Variants in ANGPT1 observed in about 807,000 individuals in gnomAD.
ANGPT1 encodes the protein angiopoietin-1.
A neutral mutation model predicts 62.2 loss-of-function variants in ANGPT1; 17 were observed. That is an observed-to-expected ratio of 0.27 (90% CI 0.19 to 0.41). ANGPT1 has a LOEUF of 0.41. Ranked by LOEUF, ANGPT1 falls within the 10% of genes least tolerant of loss-of-function variation. The pLI is 1.00. For missense variants in ANGPT1, 478 were observed against 594.9 expected (o/e 0.80, Z 2.04); for synonymous variants, 199 against 198.9 (o/e 1.00, Z 0.00).
chr8:107,393,311 T>C (rs1816871182), intron 1 of ANGPT1, among the ~76,000 whole-genome samples: 2 of 152,170 alleles, frequency 1.3e-5, no homozygotes, highest in South Asian at 4.1e-4. Context: ...GGGGACTGAC[T>C]GCAAAAGATT....
intron 7 of ANGPT1, among the ~76,000 whole-genome samples, chr8:107,277,209 T>C (rs568894309): frequency 2.0e-5 from 3 of 152,224 alleles, no homozygotes; most frequent in South Asian, 2.1e-4. Flanking sequence ...ATTAAGTTAA[T>C]AGCATAAAAG....
intron 1 of ANGPT1, among the ~76,000 whole-genome samples, chr8:107,482,023 A>C (rs920283260): frequency 3.3e-5 from 5 of 152,210 alleles, no homozygotes; most frequent in Non-Finnish European, 5.9e-5. Context: ...ATTGATAATG[A>C]TTAAATTCCC....
intron 5 of ANGPT1, among the ~76,000 whole-genome samples, chr8:107,297,103 G>C (rs766309009): frequency 1.3e-5 from 2 of 152,022 alleles, no homozygotes; most frequent in African/African-American, 2.4e-5. Context: ...TGCTGAGAAT[G>C]CTTCTTAAAT....
intron 1 of ANGPT1, among the ~76,000 whole-genome samples, chr8:107,407,300 TA>T (rs1185506057): frequency 1.3e-5 from 2 of 152,098 alleles, no homozygotes; most frequent in African/African-American, 4.8e-5. Flanking sequence ...GGCAGCCCTT[TA>T]TAAAATGATA....
At chr8:107,436,347 G>A (rs1811333298) in intron 1 of ANGPT1, among the ~76,000 whole-genome samples, 1 of 152,184 alleles carries the variant, frequency 6.6e-6, no homozygotes, top group South Asian at 2.1e-4. Context: ...CAATTTCATT[G>A]CTACAGGAAG....
chr8:107,418,432 T>C (rs547270297), intron 1 of ANGPT1, among the ~76,000 whole-genome samples: 9 of 152,328 alleles, frequency 5.9e-5, no homozygotes, highest in African/African-American at 2.2e-4. Flanking sequence ...TGATACCAAG[T>C]TGCTTAGTAT....
rs148451414 is a variant in ANGPT1, at chr8:107,270,011, T to C, written c.1206-5660A>G. Reference sequence around the variant, plus strand: ...TAATTATAAAGACTAAATCATCACATTTCTTAATGAATATAGGACAACAGT... The same window carrying C: ...TAATTATAAAGACTAAATCATCACACTTCTTAATGAATATAGGACAACAGT... On this transcript the variant is annotated intron_variant, in intron 7 of 8. Coordinates refer to ENST00000517746, the MANE Select transcript of ANGPT1 (RefSeq NM_001146.5). Among the ~76,000 whole-genome samples the C allele has an allele frequency of 2.3e-3, 355 of 152,212 alleles. 3 individuals are homozygous for C. Among genetic ancestry groups the C allele is most frequent in the African/African-American group, 7.2e-3 (298 of 41,560 alleles).
intron 1 of ANGPT1, among the ~76,000 whole-genome samples, chr8:107,424,793 C>T (rs2130387901): frequency 6.6e-6 from 1 of 152,254 alleles, no homozygotes; most frequent in Admixed American, 6.5e-5. Flanking sequence ...AGGAATTTTA[C>T]AAAATTAAGC....
Position 107,455,983 on chromosome 8 carries a change from T to C in ANGPT1, c.297+41279A>G, listed in dbSNP as rs182743526. ...CAAGAAGTCAGAAAGTTGATCTTCA[T>C]TGGTTTCCTGCCTACCATGTGAAAT... On this transcript the variant is annotated intron_variant, in intron 1 of 8. Coordinates refer to ENST00000517746, the MANE Select transcript of ANGPT1 (RefSeq NM_001146.5). Among the ~76,000 whole-genome samples the C allele has an allele frequency of 6.6e-5, 10 of 152,148 alleles. No individual in the cohort carries two copies. In the East Asian group the frequency reaches 1.5e-3, roughly 24 times the overall value.
intron 8 of ANGPT1, among the ~76,000 whole-genome samples, chr8:107,260,607 T>C (rs1266222546): frequency 6.6e-6 from 1 of 152,234 alleles, no homozygotes; most frequent in Non-Finnish European, 1.5e-5. Context: ...TCCAGTTACC[T>C]GGACTGTCAA....
intron 1 of ANGPT1, among the ~76,000 whole-genome samples, chr8:107,459,600 T>C (rs534021205): frequency 6.6e-6 from 1 of 152,324 alleles, no homozygotes; most frequent in Non-Finnish European, 1.5e-5. Context: ...TATGCCCTAC[T>C]AGCAATGTTT....
intron 7 of ANGPT1, among the ~76,000 whole-genome samples, chr8:107,277,694 T>C (rs573489552): frequency 1.3e-5 from 2 of 152,174 alleles, no homozygotes; most frequent in Admixed American, 6.5e-5. Flanking sequence ...GAATGGGAAA[T>C]AGACAATATC....
At chr8:107,261,859 A>T (rs1226917540) in intron 8 of ANGPT1, among the ~76,000 whole-genome samples, 1 of 151,992 alleles carries the variant, frequency 6.6e-6, no homozygotes, top group East Asian at 1.9e-4. Context: ...TTTGGTGATA[A>T]TAGTAATAGA....
intron 1 of ANGPT1, among the ~76,000 whole-genome samples, chr8:107,353,999 G>A (rs996842836): frequency 3.9e-5 from 6 of 152,062 alleles, no homozygotes; most frequent in Non-Finnish European, 1.5e-5. Context: ...GCTATCAAGG[G>A]CAACCCAGAA....
chr8:107,372,236 C>A (rs890112356), intron 1 of ANGPT1, among the ~76,000 whole-genome samples: 1 of 151,866 alleles, frequency 6.6e-6, no homozygotes, highest in Non-Finnish European at 1.5e-5. Context: ...CCAGCTGTAA[C>A]AAGTAAAACT....
intron 1 of ANGPT1, among the ~76,000 whole-genome samples, chr8:107,358,735 C>T (rs556121018): frequency 6.6e-6 from 1 of 152,294 alleles, no homozygotes; most frequent in East Asian, 1.9e-4. Context: ...GAACTGGATA[C>T]TTTATATATT....
chr8:107,445,740 T>C (rs1196242936), intron 1 of ANGPT1, among the ~76,000 whole-genome samples: 5 of 152,128 alleles, frequency 3.3e-5, no homozygotes, highest in African/African-American at 1.2e-4. Context: ...CGAGTAACAC[T>C]GTGTAATCAC....
intron 1 of ANGPT1, among the ~76,000 whole-genome samples, chr8:107,372,600 C>G (rs16876122): frequency 0.099 from 14,955 of 151,804 alleles, 744 homozygotes; most frequent in East Asian, 0.11. Context: ...AATGTTAGAG[C>G]TGAAATGATC....
chr8:107,269,952 G>C (rs183306805), intron 7 of ANGPT1, among the ~76,000 whole-genome samples: 1 of 151,908 alleles, frequency 6.6e-6, no homozygotes, highest in African/African-American at 2.4e-5. Context: ...TTTGATAAAA[G>C]TTACTCCTTT....
Sources: gnomAD v4.1 joint callset for allele counts (sites outside exome capture counted in the v4.1 genomes callset) on GRCh38, gnomAD v4.1.1 for gene constraint, MANE v1.5 for transcripts, NCBI Gene and HGNC (gene_info 2026-07-23, HGNC 2026-07-21) for gene names.